The following PIBF1 variants were observed in gnomAD, a reference collection of about 807,000 sequenced individuals.
PIBF1 encodes progesterone immunomodulatory binding factor 1.
Under a neutral mutation model 112.5 loss-of-function variants are expected in PIBF1, and 90 were observed. The observed-to-expected ratio is 0.80, with a 90% CI of 0.67 to 0.95. The LOEUF (loss-of-function observed/expected upper bound fraction) is 0.95. Ranked by LOEUF, PIBF1 falls within the 40% of genes least tolerant of loss-of-function variation. The pLI, the probability that PIBF1 is intolerant of heterozygous loss-of-function variation, is 0.00. For missense variants in PIBF1, 915 were observed against 852.3 expected (o/e 1.07, Z -0.92); for synonymous variants, 301 against 288.6 (o/e 1.04, Z -0.44).
intron 4 of PIBF1, among the ~76,000 whole-genome samples, chr13:72,796,649 GT>G (rs35878064): frequency 0.33 from 45,696 of 138,876 alleles, 8,308 homozygotes; most frequent in African/African-American, 0.53. Context: ...TTGTTCAGCT[GT>G]TTTTTTTTTT....
At chr13:72,959,711 G>A (rs1344235859) in intron 14 of PIBF1, among the ~76,000 whole-genome samples, 1 of 152,136 alleles carries the variant, frequency 6.6e-6, no homozygotes, top group Non-Finnish European at 1.5e-5. Context: ...AGTTAAATTA[G>A]TACTTGAATC....
intron 9 of PIBF1, among the ~76,000 whole-genome samples, chr13:72,847,197 A>G (rs1448453843): frequency 6.6e-6 from 1 of 152,238 alleles, no homozygotes; most frequent in Non-Finnish European, 1.5e-5. Context: ...TTTTTCAACC[A>G]TAATTTGGGT....
chr13:72,950,788 C>T (rs1218478372), intron 14 of PIBF1, among the ~76,000 whole-genome samples: 1 of 152,146 alleles, frequency 6.6e-6, no homozygotes, highest in Non-Finnish European at 1.5e-5. Context: ...GGTGCTCATA[C>T]TGGAGTTGGG....
At chr13:72,904,010 A>G (rs1594163098) in intron 11 of PIBF1, among the ~76,000 whole-genome samples, 1 of 152,200 alleles carries the variant, frequency 6.6e-6, no homozygotes, top group East Asian at 1.9e-4. Context: ...TTGATGCTAT[A>G]GAATTTTGTT....
At chr13:72,863,378 G>C (rs368436423) in intron 10 of PIBF1, among the ~76,000 whole-genome samples, 1 of 152,126 alleles carries the variant, frequency 6.6e-6, no homozygotes, top group Admixed American at 6.5e-5. Flanking sequence ...GGGCCAGGGC[G>C]CGGTGGCTCA....
intron 12 of PIBF1, among the ~76,000 whole-genome samples, chr13:72,915,625 C>T (rs1188612897): frequency 6.6e-6 from 1 of 152,114 alleles, no homozygotes; most frequent in Non-Finnish European, 1.5e-5. Flanking sequence ...AGCTCTAGTT[C>T]CAGTAGAGCT....
At chr13:72,887,659 G>A (rs1418042472) in intron 10 of PIBF1, among the ~76,000 whole-genome samples, 2 of 151,784 alleles carry the variant, frequency 1.3e-5, no homozygotes, top group Non-Finnish European at 2.9e-5. Flanking sequence ...AATTTTTTGA[G>A]TTGCCTTCAG....
chr13:72,922,750 A>C (rs1352390227), intron 13 of PIBF1, among the ~76,000 whole-genome samples: 1 of 152,118 alleles, frequency 6.6e-6, no homozygotes, highest in Non-Finnish European at 1.5e-5. Flanking sequence ...CATATATATG[A>C]GTTCTCATTT....
At chr13:73,014,042 T>G in intron 17 of PIBF1, among the ~76,000 whole-genome samples, 1 of 150,474 alleles carries the variant, frequency 6.6e-6, no homozygotes. Flanking sequence ...TTCCCTTCCC[T>G]TCCCTTCCCT....
intron 12 of PIBF1, among the ~76,000 whole-genome samples, chr13:72,913,060 T>C (rs899170878): frequency 6.8e-6 from 1 of 147,816 alleles, no homozygotes; most frequent in Non-Finnish European, 1.5e-5. Flanking sequence ...GGGGTAAAAA[T>C]TTTTTTTTTT....
intron 10 of PIBF1, among the ~76,000 whole-genome samples, chr13:72,871,234 G>A (rs1027799652): frequency 5.9e-5 from 9 of 152,198 alleles, no homozygotes; most frequent in African/African-American, 2.2e-4. Context: ...AATGCATTTA[G>A]ATCATATTCC....
chr13:72,929,811 G>A (rs2041646034), intron 13 of PIBF1, among the ~76,000 whole-genome samples: 3 of 151,806 alleles, frequency 2.0e-5, no homozygotes, highest in African/African-American at 7.3e-5. Flanking sequence ...TTTTTTATTT[G>A]GTATGAGTTC....
At chr13:72,788,805 T>C (rs1374384198) in intron 2 of PIBF1, among the ~76,000 whole-genome samples, 1 of 152,182 alleles carries the variant, frequency 6.6e-6, no homozygotes, top group African/African-American at 2.4e-5. Context: ...GGCAAGTAAG[T>C]TTTTTCTTCT....
At chr13:72,798,141 G>A in intron 5 of PIBF1, 115 bp downstream of exon 5, 1 of 1,037,272 alleles carries the variant, frequency 9.6e-7, no homozygotes, top group Admixed American at 2.7e-5. Context: ...ACTATGGGAT[G>A]GTGACTGCTA....
At chr13:72,957,011 A>G (rs1039957945) in intron 14 of PIBF1, among the ~76,000 whole-genome samples, 22 of 152,212 alleles carry the variant, frequency 1.4e-4, no homozygotes, top group African/African-American at 5.3e-4. Flanking sequence ...AAATTTTTAA[A>G]AAATAGATAT....
In PIBF1 at chr13:72,952,094, A is replaced by G. The variant is rs2042316327; in HGVS notation, c.1834-13180A>G. Among the ~76,000 whole-genome samples, 5 of 136,708 alleles carry G rather than the reference A, an allele frequency of 3.7e-5. No individual in the cohort carries two copies. In the South Asian group the frequency reaches 1.1e-3, roughly 31 times the overall value. The allele number at this position is 136,708 out of a possible 152,430, so 89.7% of individuals were successfully genotyped here. A position where few individuals can be genotyped will look rare whatever the true frequency, so the allele number is the denominator to read the frequency against. ...CTGTTGCCTCGTCTGGAGTGCGGTG[A>G]CACAATCGCGGCTCACTGCAACCTC... On this transcript the variant is annotated intron_variant, in intron 14 of 17. Transcript: ENST00000326291.
At chr13:72,906,458 T>C (rs2040708375) in intron 11 of PIBF1, among the ~76,000 whole-genome samples, 1 of 152,148 alleles carries the variant, frequency 6.6e-6, no homozygotes. Flanking sequence ...TGTTCATGTA[T>C]TGATTTTTAT....
At chr13:72,906,506 C>T (rs1283761345) in intron 11 of PIBF1, among the ~76,000 whole-genome samples, 4 of 151,738 alleles carry the variant, frequency 2.6e-5, no homozygotes, top group Non-Finnish European at 5.9e-5. Flanking sequence ...ACCATGGGTC[C>T]AACAGTCAAG....
chr13:72,820,959 G>A (rs901211661), intron 5 of PIBF1, among the ~76,000 whole-genome samples: 15 of 152,152 alleles, frequency 9.9e-5, no homozygotes, highest in African/African-American at 3.1e-4. Context: ...GAGGTCCAGC[G>A]TTGAGCAAGA....
Sources: gnomAD v4.1 joint callset for allele counts (sites outside exome capture counted in the v4.1 genomes callset) on GRCh38, gnomAD v4.1.1 for gene constraint, MANE v1.5 for transcripts, NCBI Gene and HGNC (gene_info 2026-07-23, HGNC 2026-07-21) for gene names.